Variants in CHM observed in about 807,000 individuals in gnomAD.
CHM encodes the protein rab proteins geranylgeranyltransferase component A 1.
In CHM, 10 loss-of-function variants were observed where a neutral mutation model predicts 49.0. That is an observed-to-expected ratio of 0.20 (90% CI 0.13 to 0.35). The LOEUF (loss-of-function observed/expected upper bound fraction) is 0.35. Ranked by LOEUF, CHM falls within the 10% of genes least tolerant of loss-of-function variation. CHM has a pLI of 1.00. For synonymous variants in CHM, 184 were observed against 167.5 expected (o/e 1.10, Z -0.76); for missense variants, 455 against 478.4 (o/e 0.95, Z 0.46).
chrX:85,987,352 C>T (rs1931972396), intron 2 of CHM, among the ~76,000 whole-genome samples: 1 of 111,794 alleles, frequency 8.9e-6, no homozygotes, highest in Non-Finnish European at 1.9e-5. Flanking sequence ...ATCCCCAAAA[C>T]ACATAATCTT....
rs377623387 is a variant in CHM at position 85,942,387 on chromosome X, T to C, written c.1166+13766A>G. On this transcript the variant is annotated intron_variant, in intron 8 of 14. Coordinates refer to ENST00000357749, the MANE Select transcript of CHM (RefSeq NM_000390.4). ...TGTTTATCTGAGTTTAAAAAAATAA[T>C]AAAAATTCCTAACAACGGTTCTCAA... 2.0e-4 allele frequency among the ~76,000 whole-genome samples: 21 copies of C among 106,789 alleles called. No homozygotes were observed. The East Asian group carries it at 5.6e-3, about 28-fold the overall frequency. The allele number at this position is 106,789 out of a possible 115,157, so 92.7% of individuals were successfully genotyped here.
At chrX:86,043,067 C>T (rs910425403) in intron 1 of CHM, among the ~76,000 whole-genome samples, 6 of 111,832 alleles carry the variant, frequency 5.4e-5, no homozygotes, top group Non-Finnish European at 1.1e-4. Context: ...CTTAAAAAGA[C>T]TACACAGAAC....
chrX:85,984,920 G>C (rs1318172682), intron 2 of CHM, among the ~76,000 whole-genome samples: 1 of 111,918 alleles, frequency 8.9e-6, no homozygotes, highest in Non-Finnish European at 1.9e-5. Flanking sequence ...CACAAGACTG[G>C]GAGTGGGGTC....
At chrX:86,019,128 T>C (rs1487962917) in intron 2 of CHM, among the ~76,000 whole-genome samples, 2 of 111,756 alleles carry the variant, frequency 1.8e-5, no homozygotes, top group African/African-American at 3.3e-5. Flanking sequence ...ACTTGAACTT[T>C]TTTACTTTGT....
intron 8 of CHM, among the ~76,000 whole-genome samples, chrX:85,949,978 AAT>A (rs200318878): frequency 0.13 from 5,377 of 42,631 alleles, 416 homozygotes; most frequent in East Asian, 0.31. Context: ...ACTGAAATTA[AAT>A]ATATATATAT....
intron 2 of CHM, among the ~76,000 whole-genome samples, chrX:86,005,453 C>CA (rs1379201256): frequency 9.0e-6 from 1 of 111,098 alleles, no homozygotes; most frequent in East Asian, 2.8e-4. Context: ...AAAAACCCTT[C>CA]AAAAAAATCA....
chrX:85,864,903 A>G, intron 14 of CHM, 82 bp from the exon 15 acceptor site: 1 of 964,081 alleles, frequency 1.0e-6, no homozygotes, highest in Non-Finnish European at 1.4e-6. Flanking sequence ...CTAAAAAAAA[A>G]TAAGTGTTTT....
At chrX:85,951,816 G>A (rs1190284950) in intron 8 of CHM, among the ~76,000 whole-genome samples, 1 of 112,611 alleles carries the variant, frequency 8.9e-6, no homozygotes, top group African/African-American at 3.2e-5. Context: ...CACTGAAGGA[G>A]GCACTGAAGA....
At chrX:85,990,763 T>C (rs189239791) in intron 2 of CHM, among the ~76,000 whole-genome samples, 2 of 112,034 alleles carry the variant, frequency 1.8e-5, no homozygotes, top group East Asian at 2.8e-4. Context: ...AGTTGAACTA[T>C]ATGAGAAGGC....
chrX:85,929,063 A>G (rs1928259636), intron 8 of CHM, among the ~76,000 whole-genome samples: 1 of 111,816 alleles, frequency 8.9e-6, no homozygotes, highest in Non-Finnish European at 1.9e-5. Context: ...AACTCAGAAA[A>G]TCATATACCA....
At chrX:86,002,916 C>G (rs1029481959) in intron 2 of CHM, among the ~76,000 whole-genome samples, 1 of 112,211 alleles carries the variant, frequency 8.9e-6, no homozygotes, top group East Asian at 2.8e-4. Context: ...GCTCTGAGAA[C>G]GAACAGACTG....
At chrX:86,020,410 C>T (rs892720010) in intron 2 of CHM, among the ~76,000 whole-genome samples, 16 of 108,700 alleles carry the variant, frequency 1.5e-4, no homozygotes, top group African/African-American at 5.0e-4. Flanking sequence ...CTTTTGAGTG[C>T]CAATATGATG....
At chrX:85,968,549 C>T (rs975068974) in intron 4 of CHM, among the ~76,000 whole-genome samples, 1 of 112,065 alleles carries the variant, frequency 8.9e-6, no homozygotes, top group African/African-American at 3.2e-5. Flanking sequence ...CCTCCCTTTG[C>T]TGGTGTTTGA....
chrX:86,009,211 T>C (rs12853220), intron 2 of CHM, among the ~76,000 whole-genome samples: 30,252 of 111,369 alleles, frequency 0.27, 3,483 homozygotes, highest in Admixed American at 0.39. Flanking sequence ...TGATGGTGAA[T>C]TGAAAGGGTT....
chrX:86,027,354 G>A (rs756661617), intron 2 of CHM, 137 bp downstream of exon 2: 28 of 524,440 alleles, frequency 5.3e-5, no homozygotes, highest in Non-Finnish European at 8.7e-5. Flanking sequence ...AAACAACTCC[G>A]ATCTTTCTTC....
At chrX:85,867,171 G>C (rs1303823080) in intron 14 of CHM, among the ~76,000 whole-genome samples, 1 of 111,789 alleles carries the variant, frequency 8.9e-6, no homozygotes, top group Non-Finnish European at 1.9e-5. Flanking sequence ...GGGAGGGACT[G>C]GTGGGAGATG....
intron 8 of CHM, among the ~76,000 whole-genome samples, chrX:85,913,046 A>G (rs771044489): frequency 1.0e-5 from 1 of 98,173 alleles, no homozygotes; most frequent in South Asian, 4.9e-4. Context: ...AAAAGGAAAG[A>G]AAGAGGCAGG....
At chrX:85,961,009 G>C (rs1930266519) in intron 5 of CHM, among the ~76,000 whole-genome samples, 1 of 111,272 alleles carries the variant, frequency 9.0e-6, no homozygotes, top group Non-Finnish European at 1.9e-5. Context: ...CTATATACAT[G>C]AATGTGTATT....
intron 4 of CHM, chrX:85,970,878 A>G (rs1378241193): frequency 1.5e-6 from 1 of 657,821 alleles, no homozygotes; most frequent in Non-Finnish European, 1.8e-6. Flanking sequence ...ATAGTTCTTT[A>G]CAGTCTATGA....
Sources: gnomAD v4.1 joint callset for allele counts (sites outside exome capture counted in the v4.1 genomes callset) on GRCh38, gnomAD v4.1.1 for gene constraint, MANE v1.5 for transcripts, NCBI Gene and HGNC (gene_info 2026-07-23, HGNC 2026-07-21) for gene names.